TTC17: variants seen among roughly 807,000 people sequenced by gnomAD.
The protein encoded by TTC17 is tetratricopeptide repeat domain 17, also known as tetratricopeptide repeat protein 17.
A neutral mutation model predicts 143.8 loss-of-function variants in TTC17; 58 were observed. The observed-to-expected ratio is 0.40, with a 90% CI of 0.33 to 0.50. The LOEUF is 0.50. Ranked by LOEUF, TTC17 falls within the 20% of genes least tolerant of loss-of-function variation. The pLI is 0.49. For missense variants in TTC17, 1,273 were observed against 1,392.5 expected (o/e 0.91, Z 1.37); for synonymous variants, 501 against 497.8 (o/e 1.01, Z -0.09).
chr11:43,402,587 T>A (rs1007225081), intron 10 of TTC17, among the ~76,000 whole-genome samples: 9 of 152,026 alleles, frequency 5.9e-5, no homozygotes, highest in African/African-American at 2.2e-4. Flanking sequence ...AAAAAAAGAT[T>A]CAAACTCTGA....
At chr11:43,408,951 A>G (rs1200394676) in intron 15 of TTC17, among the ~76,000 whole-genome samples, 1 of 151,876 alleles carries the variant, frequency 6.6e-6, no homozygotes, top group Non-Finnish European at 1.5e-5. Flanking sequence ...CCATGTTGCC[A>G]AGGCTGGTCT....
chr11:43,389,676 C>G lies in TTC17; in HGVS notation c.274C>G (p.His92Asp). 1 of 1,606,280 alleles carries G rather than the reference C, an allele frequency of 6.2e-7. No homozygotes were observed. Among genetic ancestry groups the G allele is most frequent in the South Asian group, 1.1e-5 (1 of 88,938 alleles). Residue 92 changes from histidine (H) to aspartate (D), a missense_variant, in exon 3 of 24, where the codon CAC becomes GAC. Coordinates refer to ENST00000039989, the MANE Select transcript of TTC17 (RefSeq NM_018259.6). ...GAAACAATTAGTTGCTCAAAAAATT[C>G]ACATAGAAGAGAATGAGGACAGAGA... ...LEKQLVAQKI[H>D]IEENEDRDTG...
chr11:43,485,893 T>G (rs1270787109), intron 21 of TTC17, among the ~76,000 whole-genome samples: 4 of 150,124 alleles, frequency 2.7e-5, no homozygotes, highest in Admixed American at 6.6e-5. Flanking sequence ...GTTTTTTTTT[T>G]TTTTTTTTTT....
intron 16 of TTC17, among the ~76,000 whole-genome samples, chr11:43,442,760 T>G (rs1947451537): frequency 6.6e-6 from 1 of 152,170 alleles, no homozygotes. Context: ...CTAAATAATA[T>G]CTTGGTAATC....
intron 1 of TTC17, among the ~76,000 whole-genome samples, chr11:43,374,130 T>C (rs1363478235): frequency 6.6e-6 from 1 of 152,162 alleles, no homozygotes; most frequent in Non-Finnish European, 1.5e-5. Context: ...GCAAGTTACA[T>C]ACTGAAGGTA....
chr11:43,389,716 A>G lies in TTC17; in HGVS notation c.314A>G (p.Gln105Arg). 1 of 1,614,098 alleles carries G rather than the reference A, an allele frequency of 6.2e-7. No individual in the cohort carries two copies. The change falls in exon 3 of 24, where the codon CAG becomes CGG. Residue 105 changes from glutamine to arginine, a missense_variant. Around this residue, in one of 3 missense-constraint regions of TTC17, gnomAD observed 325 missense variants for 444.2 expected, o/e 0.73. Coordinates refer to ENST00000039989, the MANE Select transcript of TTC17 (RefSeq NM_018259.6). ...GAGGACAGAGACACAGGACTGGAACAGAGACATAATAAAGAAGACCCAGAC... is the reference window on the plus strand; with the variant it reads ...GAGGACAGAGACACAGGACTGGAACGGAGACATAATAAAGAAGACCCAGAC... ...ENEDRDTGLE[Q>R]RHNKEDPDCI...
At chr11:43,397,948 G>GTGTA (rs770968516) in intron 7 of TTC17, 26 bp from the exon 8 acceptor site, 23 of 1,478,484 alleles carry the variant, frequency 1.6e-5, no homozygotes, top group Admixed American at 1.1e-4. Flanking sequence ...GTGTGTGTGT[G>GTGTA]TGTATGTTTG....
chr11:43,492,576 T>C (rs532225362), intron 23 of TTC17, among the ~76,000 whole-genome samples: 2 of 152,236 alleles, frequency 1.3e-5, no homozygotes, highest in Non-Finnish European at 2.9e-5. Flanking sequence ...ATTTTCACTT[T>C]GTTTTATAAT....
At chr11:43,369,948 T>C (rs536640433) in intron 1 of TTC17, 37 of 402,836 alleles carry the variant, frequency 9.2e-5, no homozygotes, top group African/African-American at 7.5e-4. Context: ...ACAAGTACTC[T>C]AGCTTCAAAA....
chr11:43,449,514 C>T (rs1266566509), intron 19 of TTC17: 2 of 152,280 alleles, frequency 1.3e-5, no homozygotes, highest in Non-Finnish European at 2.9e-5. Flanking sequence ...GAATCACTCA[C>T]AAGAGAATGA....
chr11:43,417,805 T>C (rs1946810587), intron 16 of TTC17, among the ~76,000 whole-genome samples: 1 of 152,214 alleles, frequency 6.6e-6, no homozygotes, highest in African/African-American at 2.4e-5. Context: ...GAGCTGAGAT[T>C]GTGCCACCGC....
At chr11:43,365,104 A>G (rs1046804857) in intron 1 of TTC17, among the ~76,000 whole-genome samples, 2 of 150,352 alleles carry the variant, frequency 1.3e-5, no homozygotes, top group South Asian at 2.1e-4. Context: ...GCCCGGCCAT[A>G]ATGTTTTTTA....
At chr11:43,363,540 A>G (rs1217651591) in intron 1 of TTC17, among the ~76,000 whole-genome samples, 1 of 152,226 alleles carries the variant, frequency 6.6e-6, no homozygotes, top group East Asian at 1.9e-4. Context: ...CTAAAAATTT[A>G]AGTAAATTAA....
chr11:43,385,703 C>CT (rs1857143532), intron 2 of TTC17: 1 of 142,556 alleles, frequency 7.0e-6, no homozygotes, highest in Admixed American at 7.1e-5. Context: ...ATAGCAAGAG[C>CT]TTGTCTTTAA....
At chr11:43,412,247 G>A (rs1858448101) in intron 15 of TTC17, among the ~76,000 whole-genome samples, 1 of 152,142 alleles carries the variant, frequency 6.6e-6, no homozygotes, top group Non-Finnish European at 1.5e-5. Flanking sequence ...ACTTTGAGAG[G>A]CTAAGTGGGG....
At chr11:43,359,600 A>G (rs375031060) in intron 1 of TTC17, among the ~76,000 whole-genome samples, 67 of 152,230 alleles carry the variant, frequency 4.4e-4, no homozygotes, top group African/African-American at 1.5e-3. Context: ...AGTCTCGTCT[A>G]CCACATGGTG....
chr11:43,424,652 C>A (rs1490215065), intron 16 of TTC17, among the ~76,000 whole-genome samples: 1 of 152,104 alleles, frequency 6.6e-6, no homozygotes, highest in East Asian at 2.0e-4. Context: ...TGCCTGTAAT[C>A]CCAGCTACTG....
At chr11:43,380,982 T>C (rs1856945724) in intron 2 of TTC17, among the ~76,000 whole-genome samples, 1 of 152,182 alleles carries the variant, frequency 6.6e-6, no homozygotes, top group African/African-American at 2.4e-5. Flanking sequence ...AAATTTTTTT[T>C]TCAGGTATAT....
rs943669947 is a variant in TTC17, at chr11:43,407,188, G to A, written c.1812G>A (p.Gly604=). ...NNYTIPEEEI[G]SFLFHAINKP... Reference sequence around the variant, plus strand: ...ATACTATCCCAGAAGAAGAAATTGGGTCTTTCTTATTTCATGCTATTAATA... The same window carrying A: ...ATACTATCCCAGAAGAAGAAATTGGATCTTTCTTATTTCATGCTATTAATA... The change falls in exon 14 of 24, where the codon GGG becomes GGA. Residue 604 remains glycine, a synonymous_variant. Transcript: ENST00000039989. 6.3e-7 allele frequency: 1 copy of A among 1,598,826 alleles called. No homozygotes were observed. Among genetic ancestry groups the A allele is most frequent in the Non-Finnish European group, 8.5e-7 (1 of 1,175,218 alleles).
Sources: allele counts gnomAD v4.1 joint callset (sites outside exome capture counted in the v4.1 genomes callset), GRCh38; gene constraint gnomAD v4.1.1; regional missense constraint gnomAD v4.1.1; transcripts MANE v1.5; gene names NCBI Gene and HGNC (gene_info 2026-07-23, HGNC 2026-07-21).